THADA: variants seen among roughly 807,000 people sequenced by gnomAD.
THADA encodes the protein THADA armadillo repeat containing.
THADA carries 213 observed loss-of-function variants against 219.8 expected under a neutral mutation model. The observed-to-expected ratio is 0.97, with a 90% confidence interval of 0.87 to 1.09. THADA has a LOEUF of 1.09. Ranked by LOEUF, THADA falls within the 50% of genes least tolerant of loss-of-function variation. The probability of loss-of-function intolerance (pLI) is 0.00; values close to 1 mark genes in which losing one functional copy is unlikely to be tolerated. For missense variants in THADA, 2,956 were observed against 2,311.3 expected (o/e 1.28, Z -5.72); for synonymous variants, 1,018 against 828.9 (o/e 1.23, Z -3.92).
intron 36 of THADA, among the ~76,000 whole-genome samples, chr2:43,277,830 G>C (rs1287047595): frequency 6.6e-6 from 1 of 152,106 alleles, no homozygotes. Context: ...TAATTAACTT[G>C]GAACACCAAA....
chr2:43,428,390 G>A (rs1337593865), intron 27 of THADA, among the ~76,000 whole-genome samples, 159 bp from the exon 28 acceptor site: 5 of 152,238 alleles, frequency 3.3e-5, no homozygotes, highest in Non-Finnish European at 5.9e-5. Context: ...GATGGATCAC[G>A]TGAGGTCAGG....
chr2:43,238,693 G>A (rs545144021), intron 36 of THADA, among the ~76,000 whole-genome samples: 7 of 152,178 alleles, frequency 4.6e-5, no homozygotes, highest in Non-Finnish European at 8.8e-5. Context: ...TAAGAGCCAA[G>A]ATGTGGAAAT....
chr2:43,583,677 G>C (rs778580638), intron 7 of THADA, among the ~76,000 whole-genome samples: 11 of 152,198 alleles, frequency 7.2e-5, no homozygotes, highest in Admixed American at 3.3e-4. Context: ...TCCATCGACA[G>C]ATTGATTAAC....
intron 26 of THADA, among the ~76,000 whole-genome samples, chr2:43,450,334 A>C (rs1046580242): frequency 5.3e-5 from 8 of 152,226 alleles, no homozygotes; most frequent in Admixed American, 3.9e-4. Context: ...TAAAGATATA[A>C]ATCTGTGACA....
intron 21 of THADA, among the ~76,000 whole-genome samples, chr2:43,534,224 T>C (rs1166453499): frequency 6.6e-6 from 1 of 152,224 alleles, no homozygotes; most frequent in Non-Finnish European, 1.5e-5. Context: ...TCCATATTTA[T>C]GGGGTACACA....
chr2:43,450,340 T>C (rs775106056), intron 26 of THADA, among the ~76,000 whole-genome samples: 2 of 152,116 alleles, frequency 1.3e-5, no homozygotes, highest in Non-Finnish European at 2.9e-5. Flanking sequence ...TATAAATCTG[T>C]GACATCGGTA....
intron 30 of THADA, among the ~76,000 whole-genome samples, chr2:43,338,930 G>A (rs949779134): frequency 6.6e-6 from 1 of 152,118 alleles, no homozygotes; most frequent in Non-Finnish European, 1.5e-5. Context: ...ATATCATACT[G>A]TTTTCCACAG....
intron 26 of THADA, among the ~76,000 whole-genome samples, chr2:43,482,877 C>G (rs1686401717): frequency 1.3e-5 from 2 of 152,144 alleles, no homozygotes; most frequent in African/African-American, 4.8e-5. Flanking sequence ...TTTGTTTTAT[C>G]CTCACAATAG....
At chr2:43,507,160 T>A (rs773683713) in intron 23 of THADA, among the ~76,000 whole-genome samples, 7 of 151,960 alleles carry the variant, frequency 4.6e-5, no homozygotes, top group Middle Eastern at 3.4e-3. Context: ...AGCAGATTTT[T>A]AAAAAAAAAT....
In THADA at chr2:43,237,003, C is replaced by T. The variant is rs201909732; in HGVS notation, c.5297-4121G>A. ...AGGAGAATGGCGTGAACCCGGGAGG[C>T]GGAGCTTGCAGTGAGCCGAGATCGC... On this transcript the variant is annotated intron_variant, in intron 36 of 37. Coordinates refer to ENST00000405975, the MANE Select transcript of THADA (RefSeq NM_022065.5). Among the ~76,000 whole-genome samples, 167 of 142,222 alleles carry T rather than the reference C, an allele frequency of 1.2e-3. 1 individual carries two copies. The East Asian group carries it at 0.021, about 18-fold the overall frequency. 93.3% of individuals were successfully genotyped at this position (142,222 alleles called of 152,430 possible).
At chr2:43,480,824 G>GAA (rs1255582214) in intron 26 of THADA, among the ~76,000 whole-genome samples, 6 of 129,330 alleles carry the variant, frequency 4.6e-5, no homozygotes, top group African/African-American at 1.7e-4. Flanking sequence ...TCTTGGGGGG[G>GAA]AAAAAAAAAA....
At chr2:43,575,221 G>C (rs1156501149) in intron 10 of THADA, among the ~76,000 whole-genome samples, 194 bp from the exon 11 acceptor site, 1 of 152,174 alleles carries the variant, frequency 6.6e-6, no homozygotes, top group African/African-American at 2.4e-5. Flanking sequence ...TTTTTACCTT[G>C]TAAAAAATAA....
intron 29 of THADA, among the ~76,000 whole-genome samples, chr2:43,383,540 T>C (rs1044723404): frequency 1.3e-5 from 2 of 152,212 alleles, no homozygotes; most frequent in Admixed American, 6.5e-5. Context: ...ATCTAGCTAC[T>C]AGCTGGGAGC....
At chr2:43,296,807 G>A (rs1359301248) in intron 31 of THADA, among the ~76,000 whole-genome samples, 1 of 152,196 alleles carries the variant, frequency 6.6e-6, no homozygotes, top group Non-Finnish European at 1.5e-5. Context: ...TCAGAAATAT[G>A]GCTCAGAAAT....
chr2:43,507,617 T>C (rs569780621), intron 23 of THADA, among the ~76,000 whole-genome samples: 2 of 152,244 alleles, frequency 1.3e-5, no homozygotes, highest in African/African-American at 2.4e-5. Flanking sequence ...CATAAAGGGA[T>C]TTTAGGAATT....
chr2:43,231,273 TA>T lies in THADA; in HGVS notation c.5536del (p.Tyr1846ThrfsTer51), dbSNP rs750351353. ...GAGACAGAAGAGGTGCTTGCAGAGG[TA>T]TTTCACAAAGATCAGGGTCTCGGCC... ...FWAETLIFVKYLCKHLFCLLS... is the reference protein window; with the variant it reads ...FWAETLIFVKXLCKHLFCLLS... On this transcript the variant is annotated frameshift_variant, in exon 38 of 38. Coordinates refer to ENST00000405975, the MANE Select transcript of THADA (RefSeq NM_022065.5). LOFTEE classifies it low-confidence loss of function (END_TRUNC). The T allele has an allele frequency of 6.2e-7, 1 of 1,605,318 alleles. No homozygotes were observed. Among genetic ancestry groups the T allele is most frequent in the Non-Finnish European group, 8.5e-7 (1 of 1,177,058 alleles).
intron 30 of THADA, among the ~76,000 whole-genome samples, chr2:43,327,727 G>A (rs1246268573): frequency 6.6e-6 from 1 of 152,130 alleles, no homozygotes; most frequent in Non-Finnish European, 1.5e-5. Flanking sequence ...GCAACATAGT[G>A]AGATCCTATC....
At chr2:43,555,636 C>G (rs1244724145) in intron 17 of THADA, among the ~76,000 whole-genome samples, 1 of 152,150 alleles carries the variant, frequency 6.6e-6, no homozygotes. Flanking sequence ...CTCTCTATCT[C>G]CAGATCTCTG....
chr2:43,458,120 T>C (rs917203028), intron 26 of THADA, among the ~76,000 whole-genome samples: 1 of 152,198 alleles, frequency 6.6e-6, no homozygotes, highest in Non-Finnish European at 1.5e-5. Context: ...TCATCTCCTC[T>C]GGCCTAATTT....
Sources: gnomAD v4.1 joint callset for allele counts (sites outside exome capture counted in the v4.1 genomes callset) on GRCh38, gnomAD v4.1.1 for gene constraint, MANE v1.5 for transcripts, NCBI Gene and HGNC (gene_info 2026-07-23, HGNC 2026-07-21) for gene names.